MME: variants seen among roughly 807,000 people sequenced by gnomAD.
MME encodes the protein membrane metalloendopeptidase, also known as neprilysin.
A neutral mutation model predicts 113.2 loss-of-function variants in MME; 98 were observed. That is an observed-to-expected ratio of 0.87 (90% CI 0.74 to 1.02). The LOEUF (loss-of-function observed/expected upper bound fraction) is 1.02, where lower values mean the gene tolerates loss of function less well. Ranked by LOEUF, MME falls within the 50% of genes least tolerant of loss-of-function variation. The pLI is 0.00. For synonymous variants in MME, 292 were observed against 300.6 expected, an observed-to-expected ratio of 0.97 and a Z score of 0.30; for missense variants, 836 against 896.0, an observed-to-expected ratio of 0.93 and a Z score of 0.86.
intron 8 of MME, among the ~76,000 whole-genome samples, chr3:155,133,849 T>C (rs1336071670): frequency 1.4e-5 from 2 of 145,912 alleles, no homozygotes; most frequent in Non-Finnish European, 3.0e-5. Context: ...TCTCAGTAGA[T>C]TGATATTGGA....
chr3:155,089,185 G>T (rs1010886060), intron 3 of MME, among the ~76,000 whole-genome samples: 1 of 152,102 alleles, frequency 6.6e-6, no homozygotes, highest in Non-Finnish European at 1.5e-5. Flanking sequence ...ACAACTTAAG[G>T]CAGGGATCAA....
intron 3 of MME, among the ~76,000 whole-genome samples, chr3:155,100,788 G>A (rs1717138722): frequency 6.6e-6 from 1 of 152,190 alleles, no homozygotes; most frequent in Non-Finnish European, 1.5e-5. Context: ...GGAGGCTGAG[G>A]CAGCAGGATC....
chr3:155,108,511 G>A (rs902973968), intron 3 of MME, among the ~76,000 whole-genome samples: 3 of 151,716 alleles, frequency 2.0e-5, no homozygotes, highest in Non-Finnish European at 2.9e-5. Context: ...CAGGAGAATC[G>A]CTTGAACCCG....
chr3:155,066,047 A>G (rs1420503426), intron 1 of MME, among the ~76,000 whole-genome samples: 1 of 152,238 alleles, frequency 6.6e-6, no homozygotes, highest in Admixed American at 6.5e-5. Flanking sequence ...CTATTAGACC[A>G]GGAAGACAAT....
At chr3:155,143,316 TG>T in intron 12 of MME, 126 bp from the exon 13 acceptor site, 1 of 1,077,726 alleles carries the variant, frequency 9.3e-7, no homozygotes, top group Non-Finnish European at 1.4e-6. Flanking sequence ...GCTAGGAACA[TG>T]GGCCTTGTGA....
intron 13 of MME, among the ~76,000 whole-genome samples, 156 bp from the exon 14 acceptor site, chr3:155,144,203 T>C (rs1490119004): frequency 6.6e-6 from 1 of 152,162 alleles, no homozygotes; most frequent in Non-Finnish European, 1.5e-5. Flanking sequence ...AATATAATGG[T>C]CCCATATATC....
rs1449152860 is a variant in MME at position 155,168,546 on chromosome 3, C to A, written c.1835C>A (p.Ala612Glu). 2 of 1,613,574 alleles carry A rather than the reference C, an allele frequency of 1.2e-6. No homozygotes were observed. The highest frequency in any genetic ancestry group is 4.5e-5 in the East Asian group (2 of 44,812). The change falls in exon 19 of 23, where the codon GCA becomes GAA. Residue 612 changes from alanine to glutamate, a missense_variant. Transcript: ENST00000360490. ...DLVDWWTQQS[A>E]SNFKEQSQCM... ...GTTGACTGGTGGACTCAACAGTCTG[C>A]AAGTAACTTTAAGGAGCAATCCCAG... is the stretch of plus-strand genomic sequence containing the variant.
intron 22 of MME, among the ~76,000 whole-genome samples, chr3:155,177,329 A>C (rs1712640676): frequency 6.6e-6 from 1 of 152,230 alleles, no homozygotes; most frequent in South Asian, 2.1e-4. Flanking sequence ...CCAGGATGAC[A>C]GGATGACTGT....
intron 1 of MME, among the ~76,000 whole-genome samples, chr3:155,069,644 A>G (rs16824533): frequency 0.046 from 6,939 of 152,298 alleles, 173 homozygotes; most frequent in African/African-American, 0.059. Flanking sequence ...GAAGAGAAAC[A>G]TTGTACTTTA....
intron 16 of MME, among the ~76,000 whole-genome samples, chr3:155,151,639 C>T (rs1043834626): frequency 6.6e-6 from 1 of 152,116 alleles, no homozygotes; most frequent in Non-Finnish European, 1.5e-5. Flanking sequence ...ATAATATCTG[C>T]CCATTTTCTA....
rs11459710 is a variant in MME, at chr3:155,059,258, C to CAAAAAA, written c.-10-24882_-10-24877dup. ...TGGGCTACAGAGCAAAATTCTGTCT[C>CAAAAAA]AAAAAAAAAAAAAAAAAAAAAAAGG... On this transcript the variant is annotated intron_variant, in intron 1 of 22. Transcript: ENST00000492661. Among the ~76,000 whole-genome samples, 265 of 56,016 alleles carry CAAAAAA rather than the reference C, an allele frequency of 4.7e-3. 2 individuals are homozygous for CAAAAAA. The highest frequency in any genetic ancestry group is 8.1e-3 in the African/African-American group (113 of 13,896). 36.7% of individuals were successfully genotyped at this position (56,016 alleles called of 152,430 possible). A position where few individuals can be genotyped will look rare whatever the true frequency, so the allele number is the denominator to read the frequency against.
chr3:155,029,413 T>G (rs549941974), intron 1 of MME, among the ~76,000 whole-genome samples: 1 of 152,168 alleles, frequency 6.6e-6, no homozygotes, highest in South Asian at 2.1e-4. Context: ...TTAAATAACC[T>G]CTTAAACTAG....
intron 1 of MME, among the ~76,000 whole-genome samples, chr3:155,056,302 A>G (rs1713925170): frequency 6.6e-6 from 1 of 150,534 alleles, no homozygotes; most frequent in African/African-American, 2.5e-5. Context: ...AGCATTAGGT[A>G]TATCTCCTAA....
At chr3:155,044,653 T>C (rs1713485347) in intron 1 of MME, among the ~76,000 whole-genome samples, 1 of 152,114 alleles carries the variant, frequency 6.6e-6, no homozygotes, top group African/African-American at 2.4e-5. Flanking sequence ...CTGAGTATCT[T>C]CTTAATTGGA....
chr3:155,157,380 C>T (rs1722395217), intron 16 of MME, among the ~76,000 whole-genome samples: 2 of 152,116 alleles, frequency 1.3e-5, no homozygotes, highest in East Asian at 1.9e-4. Context: ...TTGGCCTCCA[C>T]ACTTTAAAGG....
At chr3:155,068,294 A>G (rs1187295184) in intron 1 of MME, among the ~76,000 whole-genome samples, 1 of 152,242 alleles carries the variant, frequency 6.6e-6, no homozygotes, top group Non-Finnish European at 1.5e-5. Context: ...GGTGGGGAAG[A>G]GCAGCAGGGA....
At chr3:155,070,847 G>A (rs1714527204) in intron 1 of MME, among the ~76,000 whole-genome samples, 1 of 152,158 alleles carries the variant, frequency 6.6e-6, no homozygotes, top group Non-Finnish European at 1.5e-5. Context: ...GAAAGAACCA[G>A]AGATTTAAAG....
rs375848231 is a variant in MME at position 155,161,194 on chromosome 3, A to G, written c.1660+746A>G. On this transcript the variant is annotated intron_variant, in intron 17 of 22. Coordinates refer to ENST00000360490, the MANE Select transcript of MME (RefSeq NM_007289.4). ...TTGGCTCACATATATCACTTATCAC[A>G]TACATTGGCTCATTTTTTTTCAGGG... Among the ~76,000 whole-genome samples the G allele has an allele frequency of 3.3e-5, 5 of 152,032 alleles. No individual in the cohort carries two copies. The South Asian group carries it at 6.2e-4, about 19-fold the overall frequency.
chr3:155,042,360 A>G (rs191451237), intron 1 of MME, among the ~76,000 whole-genome samples: 3 of 152,314 alleles, frequency 2.0e-5, no homozygotes, highest in Non-Finnish European at 2.9e-5. Context: ...AGACAGAAAC[A>G]TATAATGAAA....
Sources: allele counts gnomAD v4.1 joint callset (sites outside exome capture counted in the v4.1 genomes callset), GRCh38; gene constraint gnomAD v4.1.1; transcripts MANE v1.5; gene names NCBI Gene and HGNC (gene_info 2026-07-23, HGNC 2026-07-21).